Variants in CFAP100 observed in about 807,000 individuals in gnomAD.
The protein encoded by CFAP100 is cilia and flagella associated protein 100.
Under a neutral mutation model 81.5 loss-of-function variants are expected in CFAP100, and 70 were observed. That is an observed-to-expected ratio of 0.86 (90% CI 0.71 to 1.05). The LOEUF is 1.05. Among genes scored for constraint, CFAP100 ranks in the 50% least tolerant of loss-of-function variants. The probability of loss-of-function intolerance (pLI) is 0.00; values close to 1 mark genes in which losing one functional copy is unlikely to be tolerated. For missense variants in CFAP100, 811 were observed against 776.5 expected (o/e 1.04, Z -0.53); for synonymous variants, 341 against 314.8 (o/e 1.08, Z -0.88).
At chr3:126,431,245 A>G (rs1054284166) in intron 13 of CFAP100, among the ~76,000 whole-genome samples, 4 of 152,182 alleles carry the variant, frequency 2.6e-5, no homozygotes, top group African/African-American at 9.7e-5. Flanking sequence ...ACTGGGTGCT[A>G]TCAGCCCCTG....
intron 13 of CFAP100, among the ~76,000 whole-genome samples, chr3:126,431,017 TGAA>T (rs1164361539): frequency 5.3e-5 from 8 of 152,222 alleles, no homozygotes; most frequent in African/African-American, 1.2e-4. Flanking sequence ...TCTGCACATT[TGAA>T]GAAGGACTTG....
chr3:126,422,476 C>T (rs1044257715), intron 11 of CFAP100, among the ~76,000 whole-genome samples: 2 of 135,884 alleles, frequency 1.5e-5, no homozygotes, highest in African/African-American at 5.3e-5. Context: ...GTGCCTGGGG[C>T]AAGCCAGCGC....
chr3:126,402,097 A>T (rs1224232968), intron 2 of CFAP100, among the ~76,000 whole-genome samples: 1 of 152,218 alleles, frequency 6.6e-6, no homozygotes, highest in Non-Finnish European at 1.5e-5. Context: ...TCAGGGCGGC[A>T]TCCCCAGCCA....
chr3:126,420,230 G>T lies in CFAP100; in HGVS notation c.1082+1G>T, dbSNP rs778577840. The T allele has an allele frequency of 6.2e-7, 1 of 1,611,124 alleles. No individual in the cohort carries two copies. On this transcript the variant is annotated splice_donor_variant, in intron 11 of 16. Transcript: ENST00000352312. LOFTEE classifies it high-confidence loss of function. ...AGTCCAGCGGTGGCGACTCCAGAGG[G>T]TGAGTGGGCTCGGGTGGTTGGGAGG...
At position 126,418,644 on chromosome 3, in the gene CFAP100, C is replaced by T. The variant is rs367940063; in HGVS notation, c.520C>T (p.Arg174Trp). The T allele has an allele frequency of 1.6e-4, 255 of 1,590,110 alleles. 1 individual carries two copies. Among genetic ancestry groups the T allele is most frequent in the East Asian group, 3.0e-4 (13 of 43,732 alleles). The stretch of plus-strand genomic sequence containing the variant: ...GGATGTCAAGCGGAGAGAGATCCAG[C>T]GGCTGGAGACGCTGGCGACCAAAGA... ...ALDVKRREIQ[R>W]LETLATKEEA... Residue 174 changes from arginine (R) to tryptophan (W), a missense_variant, in exon 7 of 17, where the codon CGG becomes TGG. Transcript: ENST00000352312.
intron 3 of CFAP100, among the ~76,000 whole-genome samples, chr3:126,411,348 TTTG>T (rs1279396556): frequency 2.7e-5 from 4 of 149,392 alleles, no homozygotes; most frequent in Admixed American, 6.9e-5. Context: ...TGTAGTTTTT[TTTG>T]TTGTTGTTGG....
chr3:126,399,684 G>A (rs940998879), intron 2 of CFAP100, among the ~76,000 whole-genome samples: 7 of 152,192 alleles, frequency 4.6e-5, no homozygotes, highest in African/African-American at 1.7e-4. Flanking sequence ...TCCCTCCCCT[G>A]AAACAATTGT....
chr3:126,398,660 T>C (rs184033080), intron 2 of CFAP100, among the ~76,000 whole-genome samples: 13 of 152,294 alleles, frequency 8.5e-5, no homozygotes, highest in African/African-American at 2.6e-4. Flanking sequence ...GGAGTTTAAT[T>C]TGGCAGTGTG....
chr3:126,419,207 C>A, intron 8 of CFAP100, 51 bp downstream of exon 8: 1 of 1,278,460 alleles, frequency 7.8e-7, no homozygotes. Context: ...CCTGGTCCCT[C>A]AGTCATTTTG....
intron 2 of CFAP100, among the ~76,000 whole-genome samples, chr3:126,402,712 G>C (rs746265308): frequency 6.6e-6 from 1 of 151,990 alleles, no homozygotes. Flanking sequence ...GGGGAGGGAA[G>C]GGAAGGTCCT....
intron 2 of CFAP100, among the ~76,000 whole-genome samples, chr3:126,400,597 C>T (rs889530285): frequency 6.6e-6 from 1 of 152,022 alleles, no homozygotes; most frequent in Non-Finnish European, 1.5e-5. Flanking sequence ...ACTAAAAATA[C>T]AAAAAATAAC....
Position 126,435,670 on chromosome 3 carries a change from GGGGGGTCTCTGCTGGA to G in CFAP100, c.1722+26_1722+41del. On this transcript the variant is annotated intron_variant, in intron 16 of 16. Transcript: ENST00000352312. Reference sequence around the variant, plus strand: ...AGAAGAAGGTAGGCAGGGTCGCCTTGGGGGGTCTCTGCTGGAGGGGGTCCCAAGACAGCATGGCAGC... The same window carrying G: ...AGAAGAAGGTAGGCAGGGTCGCCTTGGGGGGTCCCAAGACAGCATGGCAGC... The G allele has an allele frequency of 6.2e-7, 1 of 1,602,514 alleles. No individual in the cohort carries two copies. Among genetic ancestry groups the G allele is most frequent in the Non-Finnish European group, 8.5e-7 (1 of 1,171,932 alleles).
chr3:126,425,192 TAGC>T (rs2083388928), intron 13 of CFAP100, among the ~76,000 whole-genome samples: 1 of 152,202 alleles, frequency 6.6e-6, no homozygotes, highest in Non-Finnish European at 1.5e-5. Context: ...GTAAACCTCA[TAGC>T]AGAATGCTGG....
chr3:126,418,684 A>G lies in CFAP100; in HGVS notation c.560A>G (p.Glu187Gly). 6.3e-7 allele frequency: 1 copy of G among 1,582,254 alleles called. No individual in the cohort carries two copies. ...TLATKEEARL[E>G]RAEKSLEKDA... ...GCGACCAAAGAGGAGGCCAGGCTGGAGCGGGCCGAGAAATCCCTGGAGAAG... is the reference window on the plus strand; with the variant it reads ...GCGACCAAAGAGGAGGCCAGGCTGGGGCGGGCCGAGAAATCCCTGGAGAAG... Residue 187 changes from glutamate to glycine, a missense_variant, in exon 7 of 17, where the codon GAG becomes GGG. By Grantham distance (98) the Glu-to-Gly change is moderately conservative. Coordinates refer to ENST00000352312, the MANE Select transcript of CFAP100 (RefSeq NM_182628.3).
In CFAP100 at chr3:126,401,397, TTATATATATATATATATATATATA is replaced by T. The variant is rs58055481; in HGVS notation, c.49+5371_49+5394del. Among the ~76,000 whole-genome samples, 532 of 76,232 alleles carry T rather than the reference TTATATATATATATATATATATATA, an allele frequency of 7.0e-3. 15 individuals are homozygous for T. Among genetic ancestry groups the T allele is most frequent in the African/African-American group, 0.015 (334 of 21,708 alleles). 50.0% of individuals were successfully genotyped at this position (76,232 alleles called of 152,430 possible). A position where few individuals can be genotyped will look rare whatever the true frequency, so the allele number is the denominator to read the frequency against. The stretch of plus-strand genomic sequence containing the variant: ...ATGGCATAAAATGGCAAATCGTATT[TTATATATATATATATATATATATA>T]TATATATATATATATATATATAGTA... On this transcript the variant is annotated intron_variant, in intron 2 of 16. Coordinates refer to ENST00000352312, the MANE Select transcript of CFAP100 (RefSeq NM_182628.3).
At chr3:126,414,213 G>A (rs1371213560) in intron 4 of CFAP100, 34 bp downstream of exon 4, 1 of 1,494,714 alleles carries the variant, frequency 6.7e-7, no homozygotes, top group Admixed American at 1.7e-5. Flanking sequence ...GCACCTCCGG[G>A]AGCTTCCCTG....
rs571972714 is a variant in CFAP100 at position 126,418,949 on chromosome 3, T to A, written c.651-127T>A. On this transcript the variant is annotated intron_variant, in intron 7 of 16. Transcript: ENST00000352312. Reference sequence around the variant, plus strand: ...ACTACGGGCAAAAGGCTTAACTGTGTGGCTCTCCAGCCCTGTCCGGAGCCG... The same window carrying A: ...ACTACGGGCAAAAGGCTTAACTGTGAGGCTCTCCAGCCCTGTCCGGAGCCG... 144 of 993,730 alleles carry A rather than the reference T, an allele frequency of 1.4e-4. No individual in the cohort carries two copies. The African/African-American group carries it at 2.2e-3, about 15-fold the overall frequency. The allele number at this position is 993,730 out of a possible 1,614,324, so 61.6% of individuals were successfully genotyped here.
intron 7 of CFAP100, 83 bp downstream of exon 7, chr3:126,418,857 C>T: frequency 6.9e-7 from 1 of 1,453,520 alleles, no homozygotes; most frequent in Non-Finnish European, 9.2e-7. Flanking sequence ...CTTATCCAGC[C>T]TCTGCCCCCA....
rs1475439472 is a variant in CFAP100, at chr3:126,416,393, C to T, written c.303C>T (p.Ser101=). Residue 101 remains serine (S), a synonymous_variant, in exon 5 of 17, where the codon AGC becomes AGT. Coordinates refer to ENST00000352312, the MANE Select transcript of CFAP100 (RefSeq NM_182628.3). ...CGAAAGTGTCGGCTAAGCACACCAG[C>T]CTGCGGCGGCAGCTGCAGCTGGAGG... The part of the protein sequence containing the change: ...YSSKVSAKHT[S]LRRQLQLEDK... 6.2e-7 allele frequency: 1 copy of T among 1,612,136 alleles called. No individual in the cohort carries two copies. Among genetic ancestry groups the T allele is most frequent in the Non-Finnish European group, 8.5e-7 (1 of 1,179,542 alleles).
Sources: allele counts gnomAD v4.1 joint callset (sites outside exome capture counted in the v4.1 genomes callset), GRCh38; gene constraint gnomAD v4.1.1; transcripts MANE v1.5; gene names NCBI Gene and HGNC (gene_info 2026-07-23, HGNC 2026-07-21).